Variants in SYN3 observed in about 807,000 individuals in gnomAD.
SYN3 encodes synapsin III.
In SYN3, 35 loss-of-function variants were observed where a neutral mutation model predicts 65.8. The ratio of observed to expected loss-of-function variants is 0.53; its 90% CI spans 0.41 to 0.70. The LOEUF is 0.70. SYN3 is among the 30% of genes least tolerant of loss of function. The probability of loss-of-function intolerance (pLI) is 0.00; values close to 1 mark genes in which losing one functional copy is unlikely to be tolerated. For missense variants in SYN3, 680 were observed against 749.0 expected (o/e 0.91, Z 1.08); for synonymous variants, 270 against 292.9 (o/e 0.92, Z 0.80).
chr22:32,874,083 G>A (rs922961602), intron 4 of SYN3, among the ~76,000 whole-genome samples: 1 of 152,152 alleles, frequency 6.6e-6, no homozygotes, highest in Non-Finnish European at 1.5e-5. Context: ...GCAGTGAGCC[G>A]AGATCGTGTC....
chr22:32,764,527 C>G lies in SYN3; in HGVS notation c.711+100388G>C, dbSNP rs73156474. On this transcript the variant is annotated intron_variant, in intron 6 of 13. Transcript: ENST00000358763. ...CGGATCACGAGAAATGGATCAGAAA[C>G]GCAGCAGAAGGCAGCCTCGTGGCCT... Among the ~76,000 whole-genome samples the G allele has an allele frequency of 3.5e-3, 527 of 152,252 alleles. 4 individuals carry two copies. Among genetic ancestry groups the G allele is most frequent in the Non-Finnish European group, 5.0e-3 (337 of 68,030 alleles).
At chr22:32,795,395 GACC>G in intron 6 of SYN3, among the ~76,000 whole-genome samples, 1 of 152,318 alleles carries the variant, frequency 6.6e-6, no homozygotes, top group African/African-American at 2.4e-5. Context: ...GACTCTATAG[GACC>G]TGGTGAGTGA....
intron 6 of SYN3, among the ~76,000 whole-genome samples, chr22:32,782,225 C>A (rs538882249): frequency 6.6e-6 from 1 of 152,036 alleles, no homozygotes; most frequent in Non-Finnish European, 1.5e-5. Context: ...GGTGCCACCA[C>A]GCTCGGCTAA....
rs943487948 is a variant in SYN3 at position 32,511,024 on chromosome 22, C to A, written c.*2668G>T. 1.7e-5 allele frequency among the ~76,000 whole-genome samples: 2 copies of A among 116,236 alleles called. No individual in the cohort carries two copies. Among genetic ancestry groups the A allele is most frequent in the Non-Finnish European group, 1.8e-5 (1 of 55,598 alleles). 76.3% of individuals were successfully genotyped at this position (116,236 alleles called of 152,430 possible). ...GTGTGTGTGTGTGTGTGTAAGGGGA[C>A]TCCTAGAATCACTGGCTAATCATCA... On this transcript the variant is annotated 3_prime_UTR_variant, in exon 14 of 14. Coordinates refer to ENST00000358763, the MANE Select transcript of SYN3 (RefSeq NM_003490.4).
At chr22:32,874,207 C>G (rs2048925246) in intron 4 of SYN3, among the ~76,000 whole-genome samples, 1 of 152,170 alleles carries the variant, frequency 6.6e-6, no homozygotes, top group South Asian at 2.1e-4. Flanking sequence ...TGCCGTAGAG[C>G]CCCACTGAGC....
intron 1 of SYN3, among the ~76,000 whole-genome samples, chr22:33,008,216 C>A (rs151337972): frequency 6.6e-6 from 1 of 152,170 alleles, no homozygotes; most frequent in African/African-American, 2.4e-5. Flanking sequence ...GGATCACAGG[C>A]GTGAGCCACT....
At chr22:32,757,813 C>G (rs1469383966) in intron 6 of SYN3, among the ~76,000 whole-genome samples, 1 of 152,114 alleles carries the variant, frequency 6.6e-6, no homozygotes, top group African/African-American at 2.4e-5. Flanking sequence ...CCAATCCAGG[C>G]AGGACTACAA....
intron 6 of SYN3, among the ~76,000 whole-genome samples, chr22:32,697,233 C>T (rs1165461390): frequency 6.6e-6 from 1 of 152,096 alleles, no homozygotes; most frequent in Non-Finnish European, 1.5e-5. Context: ...AATAGAGAGT[C>T]CTCAGGAGGA....
chr22:32,832,904 C>T (rs1218036368), intron 6 of SYN3, among the ~76,000 whole-genome samples: 4 of 151,378 alleles, frequency 2.6e-5, no homozygotes, highest in African/African-American at 9.7e-5. Flanking sequence ...ATTTTTTTTT[C>T]GTGGTTTTCG....
chr22:32,596,341 G>A (rs2146587011), intron 7 of SYN3, among the ~76,000 whole-genome samples: 1 of 152,318 alleles, frequency 6.6e-6, no homozygotes, highest in Non-Finnish European at 1.5e-5. Flanking sequence ...CAACATGGCT[G>A]TGGAGATGAT....
At chr22:32,968,325 T>G (rs990068274) in intron 3 of SYN3, among the ~76,000 whole-genome samples, 2 of 152,218 alleles carry the variant, frequency 1.3e-5, no homozygotes, top group South Asian at 4.1e-4. Context: ...AAGGATGAGA[T>G]GACTTTTGCA....
intron 3 of SYN3, among the ~76,000 whole-genome samples, chr22:32,944,714 A>G (rs1332614679): frequency 1.3e-5 from 2 of 152,214 alleles, no homozygotes; most frequent in Non-Finnish European, 2.9e-5. Context: ...CAGGAGAAAG[A>G]AATAAAGGGC....
At chr22:33,057,395 G>A (rs992150954) in intron 1 of SYN3, 3 of 152,352 alleles carry the variant, frequency 2.0e-5, no homozygotes, top group African/African-American at 7.2e-5. Flanking sequence ...TATCTGATGT[G>A]CTAGGTCAGG....
At chr22:32,597,974 G>T (rs1036737291) in intron 6 of SYN3, among the ~76,000 whole-genome samples, 4 of 152,170 alleles carry the variant, frequency 2.6e-5, no homozygotes, top group Non-Finnish European at 5.9e-5. Context: ...CTTTCATGTT[G>T]TTCATGTGTT....
intron 10 of SYN3, among the ~76,000 whole-genome samples, chr22:32,532,849 C>T (rs1037629006): frequency 6.6e-6 from 1 of 151,478 alleles, no homozygotes; most frequent in Non-Finnish European, 1.5e-5. Flanking sequence ...TGTGTCAGCA[C>T]CGCCCATGGA....
intron 7 of SYN3, among the ~76,000 whole-genome samples, chr22:32,545,844 A>G (rs2058329342): frequency 6.6e-6 from 1 of 152,254 alleles, no homozygotes; most frequent in African/African-American, 2.4e-5. Flanking sequence ...TACAGGCGTG[A>G]GCCCGGGTAT....
intron 3 of SYN3, among the ~76,000 whole-genome samples, chr22:32,979,436 A>G (rs2052307158): frequency 6.6e-6 from 1 of 152,216 alleles, no homozygotes; most frequent in African/African-American, 2.4e-5. Flanking sequence ...ATTGAAATTC[A>G]AAGTGTAGGT....
chr22:32,969,800 C>T lies in SYN3; in HGVS notation c.369+10845G>A, dbSNP rs372489238. ...CTCACTCACGCATTCACTCAACAAA[C>T]ATTCATTGCATTTTTTCTTCAGGTC... On this transcript the variant is annotated intron_variant, in intron 3 of 13. Coordinates refer to ENST00000358763, the MANE Select transcript of SYN3 (RefSeq NM_003490.4). Among the ~76,000 whole-genome samples the T allele has an allele frequency of 2.0e-5, 3 of 152,322 alleles. No individual in the cohort carries two copies. In the East Asian group the frequency reaches 5.8e-4, roughly 29 times the overall value.
chr22:32,889,138 G>A (rs2049372353), intron 4 of SYN3, among the ~76,000 whole-genome samples: 1 of 152,246 alleles, frequency 6.6e-6, no homozygotes, highest in South Asian at 2.1e-4. Context: ...TGTCAGCCCT[G>A]CAGTCACTGG....
Sources: allele counts gnomAD v4.1 joint callset (sites outside exome capture counted in the v4.1 genomes callset), GRCh38; gene constraint gnomAD v4.1.1; transcripts MANE v1.5; gene names NCBI Gene and HGNC (gene_info 2026-07-23, HGNC 2026-07-21).